Variants in SDK2 observed in about 807,000 individuals in gnomAD.
SDK2 encodes sidekick cell adhesion molecule 2, also known as protein sidekick-2.
In SDK2, 105 loss-of-function variants were observed where a neutral mutation model predicts 253.9. That is an observed-to-expected ratio of 0.41 (90% confidence interval 0.35 to 0.49). SDK2 has a LOEUF of 0.49. Ranked by LOEUF, SDK2 falls within the 20% of genes least tolerant of loss-of-function variation. The pLI, the probability that SDK2 is intolerant of heterozygous loss-of-function variation, is 0.06. For synonymous variants in SDK2, 1,249 were observed against 1,234.9 expected, an observed-to-expected ratio of 1.01 and a Z score of -0.24; for missense variants, 2,608 against 3,003.0, an observed-to-expected ratio of 0.87 and a Z score of 3.07.
intron 1 of SDK2, among the ~76,000 whole-genome samples, chr17:73,625,250 G>A (rs896782071): frequency 2.6e-5 from 4 of 152,212 alleles, no homozygotes; most frequent in Admixed American, 6.5e-5. Flanking sequence ...TCCTGCCTGT[G>A]ACGCCCAAGA....
intron 2 of SDK2, among the ~76,000 whole-genome samples, chr17:73,472,483 C>T (rs1297524443): frequency 7.2e-5 from 11 of 152,172 alleles, no homozygotes; most frequent in Non-Finnish European, 1.6e-4. Context: ...GTGCTGCACC[C>T]GAATCCTTGA....
intron 1 of SDK2, among the ~76,000 whole-genome samples, chr17:73,523,224 A>G (rs151266713): frequency 2.0e-5 from 3 of 151,844 alleles, no homozygotes; most frequent in Admixed American, 6.5e-5. Flanking sequence ...AGGCTCTGCA[A>G]TTGGGCCTTT....
intron 4 of SDK2, among the ~76,000 whole-genome samples, chr17:73,450,730 C>T (rs2063485049): frequency 6.6e-6 from 1 of 152,186 alleles, no homozygotes; most frequent in South Asian, 2.1e-4. Context: ...CTTTGCCCTC[C>T]AGGGATGACA....
In SDK2 at chr17:73,511,743, G is replaced by T. The variant is rs1752375887; in HGVS notation, c.65-4146C>A. Among the ~76,000 whole-genome samples the T allele has an allele frequency of 1.3e-5, 2 of 152,210 alleles. 1 individual carries two copies. Among genetic ancestry groups the T allele is most frequent in the Admixed American group, 1.3e-4 (2 of 15,290 alleles). On this transcript the variant is annotated intron_variant, in intron 1 of 44. Coordinates refer to ENST00000392650, the MANE Select transcript of SDK2 (RefSeq NM_001144952.2). The surrounding 1 kb of genome is among the most constrained non-coding windows in gnomAD (Gnocchi z 4.9). Reference sequence around the variant, plus strand: ...AGGGACGCCCTACCTAGGACTCTGAGCAGTGACAGCTGATTTTCCTCCAGG... The same window carrying T: ...AGGGACGCCCTACCTAGGACTCTGATCAGTGACAGCTGATTTTCCTCCAGG...
At chr17:73,580,402 G>C (rs2145881338) in intron 1 of SDK2, among the ~76,000 whole-genome samples, 1 of 152,334 alleles carries the variant, frequency 6.6e-6, no homozygotes, top group South Asian at 2.1e-4. Context: ...TTTCCATGGG[G>C]CCCCCAGCTC....
rs532860570 is a variant in SDK2, at chr17:73,430,627, C to A, written c.1481-14G>T. 7 of 1,515,772 alleles carry A rather than the reference C, an allele frequency of 4.6e-6. No homozygotes were observed. The highest frequency in any genetic ancestry group is 6.2e-6 in the Non-Finnish European group (7 of 1,126,682). 93.9% of individuals were successfully genotyped at this position (1,515,772 alleles called of 1,614,324 possible). ...TGCGGGTCCGAGCTGAAAGATACAGCGGAGACAGCATGGTGAGAAGAGGTG... is the reference window on the plus strand; with the variant it reads ...TGCGGGTCCGAGCTGAAAGATACAGAGGAGACAGCATGGTGAGAAGAGGTG... On this transcript the variant is annotated splice_polypyrimidine_tract_variant and intron_variant, in intron 11 of 44. Transcript: ENST00000392650.
chr17:73,588,387 C>CAAAAAAAAAAAA (rs1215654213), intron 1 of SDK2, among the ~76,000 whole-genome samples: 5 of 59,026 alleles, frequency 8.5e-5, no homozygotes, highest in African/African-American at 2.8e-4. Flanking sequence ...AACTCCATCT[C>CAAAAAAAAAAAA]AAAAAAAAAA....
chr17:73,398,506 T>C lies in SDK2; in HGVS notation c.3094-77A>G, dbSNP rs563756552. 5.4e-4 allele frequency: 690 copies of C among 1,289,576 alleles called. 13 individuals carry two copies. The South Asian group carries it at 8.6e-3, about 16-fold the overall frequency. The allele number at this position is 1,289,576 out of a possible 1,614,324, so 79.9% of individuals were successfully genotyped here. A position where few individuals can be genotyped will look rare whatever the true frequency, so the allele number is the denominator to read the frequency against. ...GTGCTCCGAGCCCCAGTACAAGCCC[T>C]GCCAGGGAAGAAGTTGGTTCAGAAC... On this transcript the variant is annotated intron_variant, in intron 22 of 44. Transcript: ENST00000392650.
At chr17:73,409,684 G>T (rs887250801) in intron 18 of SDK2, among the ~76,000 whole-genome samples, 1 of 152,008 alleles carries the variant, frequency 6.6e-6, no homozygotes, top group Admixed American at 6.6e-5. Flanking sequence ...CATTCTTATT[G>T]GAGGTATACA....
intron 8 of SDK2, among the ~76,000 whole-genome samples, chr17:73,437,516 T>A (rs1456901179): frequency 1.3e-5 from 2 of 152,206 alleles, no homozygotes; most frequent in East Asian, 3.8e-4. Context: ...TGGGTTCATT[T>A]GTAACCCTCA....
intron 24 of SDK2, 70 bp downstream of exon 24, chr17:73,397,965 T>C (rs2062985560): frequency 6.5e-7 from 1 of 1,527,488 alleles, no homozygotes. Flanking sequence ...AATTCTGATG[T>C]GCACCTTCTA....
Position 73,435,133 on chromosome 17 carries a change from C to T in SDK2, c.1195+317G>A, listed in dbSNP as rs762983382. Among the ~76,000 whole-genome samples the T allele has an allele frequency of 1.3e-5, 2 of 152,242 alleles. No individual in the cohort carries two copies. The highest frequency in any genetic ancestry group is 2.4e-5 in the African/African-American group (1 of 41,462). On this transcript the variant is annotated intron_variant, in intron 9 of 44. Coordinates refer to ENST00000392650, the MANE Select transcript of SDK2 (RefSeq NM_001144952.2). This position sits in a 1 kb window ranked among gnomAD's most constrained non-coding sequence, Gnocchi z 5.7. ...CCCTGCCTGGGAACCCAGGGATAGT[C>T]GCAGTGCCAGAGCTGGTACCCGTGG...
intron 27 of SDK2, among the ~76,000 whole-genome samples, chr17:73,392,430 G>A (rs868714578): frequency 5.3e-5 from 8 of 151,970 alleles, no homozygotes; most frequent in Admixed American, 1.3e-4. Context: ...CACCACACCC[G>A]GCTAATTTTT....
intron 1 of SDK2, among the ~76,000 whole-genome samples, chr17:73,630,852 T>G (rs1468326251): frequency 6.6e-6 from 1 of 151,988 alleles, no homozygotes; most frequent in Non-Finnish European, 1.5e-5. Context: ...AGGCCCAGGC[T>G]GAGGCTGGCA....
intron 3 of SDK2, among the ~76,000 whole-genome samples, chr17:73,459,942 G>A (rs1459687414): frequency 1.3e-5 from 2 of 152,188 alleles, no homozygotes; most frequent in African/African-American, 4.8e-5. Context: ...ATATGTGTAT[G>A]TCAGGCTGTG....
intron 1 of SDK2, among the ~76,000 whole-genome samples, chr17:73,532,393 C>T (rs1252905351): frequency 2.0e-5 from 3 of 152,180 alleles, no homozygotes; most frequent in South Asian, 4.1e-4. Flanking sequence ...CCACCCCAGG[C>T]CTAGAGTGAA....
chr17:73,381,432 A>G (rs1477655920), intron 33 of SDK2, among the ~76,000 whole-genome samples: 1 of 152,160 alleles, frequency 6.6e-6, no homozygotes, highest in Non-Finnish European at 1.5e-5. Context: ...AAAAGAAGGA[A>G]AAAAAGTCCA....
chr17:73,380,819 C>G (rs1285519838), intron 34 of SDK2, 75 bp downstream of exon 34: 2 of 1,328,800 alleles, frequency 1.5e-6, no homozygotes, highest in African/African-American at 1.5e-5. Flanking sequence ...GTGATCAGGT[C>G]TCTCAAGGAG....
At chr17:73,471,263 A>G (rs1394836989) in intron 3 of SDK2, among the ~76,000 whole-genome samples, 2 of 152,136 alleles carry the variant, frequency 1.3e-5, no homozygotes, top group African/African-American at 4.8e-5. Flanking sequence ...GGAGACCCTC[A>G]GGCTGTTATC....
Sources: gnomAD v4.1 joint callset for allele counts (sites outside exome capture counted in the v4.1 genomes callset) on GRCh38, gnomAD v4.1.1 for gene constraint, Gnocchi (gnomAD v3.1) non-coding constraint, MANE v1.5 for transcripts, NCBI Gene and HGNC (gene_info 2026-07-23, HGNC 2026-07-21) for gene names.